Variants in TTLL10 observed in about 807,000 individuals in gnomAD.
TTLL10 encodes the protein inactive polyglycylase TTLL10.
TTLL10 carries 61 observed loss-of-function variants against 69.0 expected under a neutral mutation model. The observed-to-expected ratio is 0.88, with a 90% CI of 0.72 to 1.09. TTLL10 has a LOEUF of 1.09. Ranked by LOEUF, TTLL10 falls within the 50% of genes least tolerant of loss-of-function variation. TTLL10 has a pLI of 0.00. For synonymous variants in TTLL10, 408 were observed against 393.3 expected, an observed-to-expected ratio of 1.04 and a Z score of -0.44; for missense variants, 962 against 945.9, an observed-to-expected ratio of 1.02 and a Z score of -0.22.
chr1:1,185,773 C>T lies in TTLL10; in HGVS notation c.1401+664C>T, dbSNP rs1318616053. On this transcript the variant is annotated intron_variant, in intron 13 of 15. Transcript: ENST00000379289. This position sits in a 1 kb window ranked among gnomAD's most constrained non-coding sequence, Gnocchi z 6.1. Reference sequence around the variant, plus strand: ...TGTGTCACTGTGGCTGGGACGGCAGCGCTCAGAGGAGCCTCCAGTTACTTT... The same window carrying T: ...TGTGTCACTGTGGCTGGGACGGCAGTGCTCAGAGGAGCCTCCAGTTACTTT... The T allele has an allele frequency of 3.0e-6, 3 of 985,472 alleles. No homozygotes were observed. Among genetic ancestry groups the T allele is most frequent in the South Asian group, 9.4e-5 (2 of 21,294 alleles). 61.0% of individuals were successfully genotyped at this position (985,472 alleles called of 1,614,324 possible).
chr1:1,191,711 A>G (rs540842868), intron 13 of TTLL10, among the ~76,000 whole-genome samples: 3 of 152,332 alleles, frequency 2.0e-5, no homozygotes, highest in South Asian at 4.1e-4. Context: ...CAACCTTCAG[A>G]GCTGACAGCC....
At chr1:1,191,853 G>T (rs1403086174) in intron 13 of TTLL10, among the ~76,000 whole-genome samples, 1 of 152,284 alleles carries the variant, frequency 6.6e-6, no homozygotes, top group East Asian at 1.9e-4. Flanking sequence ...AATAGGTTGG[G>T]CTAGTTAACT....
chr1:1,184,910 G>A lies in TTLL10; in HGVS notation c.1261-59G>A, dbSNP rs547500400. On this transcript the variant is annotated intron_variant, in intron 12 of 15. Transcript: ENST00000379289. ...GGGGGATGTTCTCTTGGGGACCCCCGTGAGGACAGGCCCTCCGGACAGTCT... is the reference window on the plus strand; with the variant it reads ...GGGGGATGTTCTCTTGGGGACCCCCATGAGGACAGGCCCTCCGGACAGTCT... The A allele has an allele frequency of 8.5e-4, 512 of 600,606 alleles. 1 individual carries two copies. The African/African-American group carries it at 9.0e-3, about 11-fold the overall frequency. 37.2% of individuals were successfully genotyped at this position (600,606 alleles called of 1,614,324 possible).
At chr1:1,179,839 G>A (rs1173804989) in intron 5 of TTLL10, 102 bp downstream of exon 5, 9 of 1,458,054 alleles carry the variant, frequency 6.2e-6, no homozygotes, top group Middle Eastern at 2.3e-4. Context: ...GGGTGGTCAC[G>A]GCCCCTCCCC....
Position 1,179,070 on chromosome 1 carries a change from G to A in TTLL10, c.-27-119G>A, listed in dbSNP as rs1040177407. 3 of 667,550 alleles carry A rather than the reference G, an allele frequency of 4.5e-6. No individual in the cohort carries two copies. In the African/African-American group the frequency reaches 5.6e-5, roughly 12 times the overall value. 41.4% of individuals were successfully genotyped at this position (667,550 alleles called of 1,614,324 possible). ...CCGCACGCAGAGGCTCAAGCCCACGGCCCTGGGAGGCGCCCTTTCCTGGGC... is the reference window on the plus strand; with the variant it reads ...CCGCACGCAGAGGCTCAAGCCCACGACCCTGGGAGGCGCCCTTTCCTGGGC... On this transcript the variant is annotated intron_variant, in intron 3 of 15. Coordinates refer to ENST00000379289, the MANE Select transcript of TTLL10 (RefSeq NM_001130045.2).
chr1:1,196,873 A>C (rs1298669184), intron 14 of TTLL10, among the ~76,000 whole-genome samples, 157 bp downstream of exon 14: 1 of 151,776 alleles, frequency 6.6e-6, no homozygotes, highest in Admixed American at 6.6e-5. Flanking sequence ...CATGAGGCTC[A>C]CCCCCTGTGC....
chr1:1,195,601 T>C (rs1648148824), intron 13 of TTLL10, among the ~76,000 whole-genome samples: 1 of 148,216 alleles, frequency 6.7e-6, no homozygotes, highest in South Asian at 2.1e-4. Context: ...CACCTCAGCT[T>C]CCCAAAGTGC....
chr1:1,186,935 C>T (rs1647376416), intron 13 of TTLL10, among the ~76,000 whole-genome samples: 1 of 151,670 alleles, frequency 6.6e-6, no homozygotes, highest in African/African-American at 2.4e-5. Flanking sequence ...CAAGCTCCGC[C>T]TCCCGGGTTC....
Position 1,181,393 on chromosome 1 carries a change from C to T in TTLL10, c.756-348C>T, listed in dbSNP as rs1647064410. Among the ~76,000 whole-genome samples the T allele has an allele frequency of 6.6e-6, 1 of 152,062 alleles. No homozygotes were observed. Among genetic ancestry groups the T allele is most frequent in the Admixed American group, 6.5e-5 (1 of 15,270 alleles). On this transcript the variant is annotated intron_variant, in intron 8 of 15. Transcript: ENST00000379289. The surrounding 1 kb of genome is among the most constrained non-coding windows in gnomAD (Gnocchi z 4.6). Reference sequence around the variant, plus strand: ...CCATCCTAGCGACTTCGTCCTCCTGCTCCCAGCCCTGCCCACTGCCCTTCT... The same window carrying T: ...CCATCCTAGCGACTTCGTCCTCCTGTTCCCAGCCCTGCCCACTGCCCTTCT...
At chr1:1,189,827 A>T (rs1489918094) in intron 13 of TTLL10, among the ~76,000 whole-genome samples, 1 of 152,042 alleles carries the variant, frequency 6.6e-6, no homozygotes, top group African/African-American at 2.4e-5. Context: ...GAATTTGTCC[A>T]TTTCACCAGG....
In TTLL10 at chr1:1,197,453, C is replaced by G. The variant is rs1648310037; in HGVS notation, c.1628C>G (p.Thr543Ser). 2 of 1,542,046 alleles carry G rather than the reference C, an allele frequency of 1.3e-6. No homozygotes were observed. Among genetic ancestry groups the G allele is most frequent in the Non-Finnish European group, 1.7e-6 (2 of 1,143,692 alleles). The change falls in exon 16 of 16, where the codon ACC becomes AGC. Residue 543 changes from threonine to serine, a missense_variant. Physicochemically the swap from Thr to Ser is moderately conservative, Grantham distance 58. Transcript: ENST00000379289. ...CCCGCACCAGACCTGGTGCTCGAGA[C>G]CTTCCGGAAGAGCCTGCGCGGCCAG... ...VIETLDLVLE[T>S]FRKSLRGQKM... is the part of the protein sequence containing the mutation.
In TTLL10 at chr1:1,180,262, T is replaced by C. The variant is rs761622456; in HGVS notation, c.428T>C (p.Leu143Pro). 5.0e-6 allele frequency: 8 copies of C among 1,600,348 alleles called. No homozygotes were observed. In the East Asian group the frequency reaches 1.8e-4, roughly 36 times the overall value. Reference protein sequence around the residue: ...PSAALLEGLLLGGGKPSPHST... With the variant: ...PSAALLEGLLPGGGKPSPHST... Reference sequence around the variant, plus strand: ...GCTGCCCTCCTGGAGGGGCTCCTGCTGGGGGGTGGGAAGCCATCGCCCCAC... The same window carrying C: ...GCTGCCCTCCTGGAGGGGCTCCTGCCGGGGGGTGGGAAGCCATCGCCCCAC... Residue 143 changes from leucine to proline, a missense_variant, in exon 6 of 16, where the codon CTG (leucine) becomes CCG (proline). Transcript: ENST00000379289.
intron 13 of TTLL10, among the ~76,000 whole-genome samples, chr1:1,195,347 A>C (rs10907175): frequency 0.099 from 15,121 of 151,994 alleles, 860 homozygotes; most frequent in East Asian, 0.15. Context: ...ATCTGCAAAC[A>C]ATTCAAATCT....
At position 1,185,666 on chromosome 1, in the gene TTLL10, C is replaced by T. The variant is rs1647265403; in HGVS notation, c.1401+557C>T. 2.0e-6 allele frequency: 2 copies of T among 985,572 alleles called. No homozygotes were observed. The highest frequency in any genetic ancestry group is 2.4e-6 in the Non-Finnish European group (2 of 830,060). 61.1% of individuals were successfully genotyped at this position (985,572 alleles called of 1,614,324 possible). On this transcript the variant is annotated intron_variant, in intron 13 of 15. Transcript: ENST00000379289. The surrounding 1 kb of genome is among the most constrained non-coding windows in gnomAD (Gnocchi z 6.1). ...AACTGGGATAAAAACGGGGCTTGGC[C>T]GAAGGACTTTTATCTGTCTTGGTCA...
At chr1:1,190,314 A>T (rs1216708991) in intron 13 of TTLL10, among the ~76,000 whole-genome samples, 1 of 151,080 alleles carries the variant, frequency 6.6e-6, no homozygotes, top group Non-Finnish European at 1.5e-5. Flanking sequence ...TTTTCAATGA[A>T]CCAACTCCTG....
Position 1,185,287 on chromosome 1 carries a change from C to T in TTLL10, c.1401+178C>T, listed in dbSNP as rs1647233768. On this transcript the variant is annotated intron_variant, in intron 13 of 15. Coordinates refer to ENST00000379289, the MANE Select transcript of TTLL10 (RefSeq NM_001130045.2). The surrounding 1 kb of genome is among the most constrained non-coding windows in gnomAD (Gnocchi z 6.1). ...TCTCTGCTCACTTAGCTGGCAGTGC[C>T]TGTCCCCAGCAGCCAGCAAAGGCCC... is the stretch of plus-strand genomic sequence containing the variant. The T allele has an allele frequency of 7.1e-7, 1 of 1,412,720 alleles. No individual in the cohort carries two copies. The highest frequency in any genetic ancestry group is 3.0e-5 in the Admixed American group (1 of 33,020). 87.5% of individuals were successfully genotyped at this position (1,412,720 alleles called of 1,614,324 possible). A position where few individuals can be genotyped will look rare whatever the true frequency, so the allele number is the denominator to read the frequency against.
chr1:1,180,683 C>T, intron 7 of TTLL10, 48 bp from the exon 8 acceptor site: 1 of 1,572,542 alleles, frequency 6.4e-7, no homozygotes, highest in Non-Finnish European at 8.6e-7. Context: ...GGGGTGGGGA[C>T]CGAGGTCCTG....
In TTLL10 at chr1:1,197,764, A is replaced by C. The variant is rs1307197060; in HGVS notation, c.1939A>C (p.Thr647Pro). The change falls in exon 16 of 16, where the codon ACA (threonine) becomes CCA (proline). Residue 647 changes from threonine (T) to proline (P), a missense_variant. Coordinates refer to ENST00000379289, the MANE Select transcript of TTLL10 (RefSeq NM_001130045.2). ...PQAPGTEQSGTGNRHPAQEPS... is the reference protein window; with the variant it reads ...PQAPGTEQSGPGNRHPAQEPS... ...GGCCCCGGGCACGGAGCAGTCGGGC[A>C]CAGGCAACAGGCACCCGGCGCAAGA... is the stretch of plus-strand genomic sequence containing the variant. 6.5e-7 allele frequency: 1 copy of C among 1,534,804 alleles called. No homozygotes were observed. The highest frequency in any genetic ancestry group is 1.4e-5 in the African/African-American group (1 of 71,408).
rs779853194 is a variant in TTLL10, at chr1:1,180,281, GC to G, written c.451del (p.His151ThrfsTer42). On this transcript the variant is annotated frameshift_variant, in exon 6 of 16. Transcript: ENST00000379289. LOFTEE classifies it high-confidence loss of function. ...GLLLGGGKPS[P>X]HSTRPGPFFY... is the part of the protein sequence containing the mutation. ...TCCTGCTGGGGGGTGGGAAGCCATCGCCCCACAGCACCCGGCCGGGGCCCTT... is the reference window on the plus strand; with the variant it reads ...TCCTGCTGGGGGGTGGGAAGCCATCGCCCACAGCACCCGGCCGGGGCCCTT... 318 of 1,595,390 alleles carry G rather than the reference GC, an allele frequency of 2.0e-4. No individual in the cohort carries two copies. The highest frequency in any genetic ancestry group is 2.4e-4 in the Non-Finnish European group (287 of 1,172,226).
Sources: allele counts gnomAD v4.1 joint callset (sites outside exome capture counted in the v4.1 genomes callset), GRCh38; gene constraint gnomAD v4.1.1; non-coding constraint Gnocchi (gnomAD v3.1); transcripts MANE v1.5; gene names NCBI Gene and HGNC (gene_info 2026-07-23, HGNC 2026-07-21).